The following SGCG variants were observed in gnomAD, a reference collection of about 807,000 sequenced individuals.
The protein encoded by SGCG is gamma-sarcoglycan.
Under a neutral mutation model 29.3 loss-of-function variants are expected in SGCG, and 26 were observed. The observed-to-expected ratio is 0.89, with a 90% CI of 0.65 to 1.23. The LOEUF is 1.23. Ranked by LOEUF, SGCG falls within the 50% of genes most tolerant of loss-of-function variation. SGCG has a pLI of 0.00. For missense variants in SGCG, 353 were observed against 356.0 expected (o/e 0.99, Z 0.07); for synonymous variants, 145 against 129.7 (o/e 1.12, Z -0.80).
At chr13:23,255,473 GATTGT>G (rs2137576848) in intron 4 of SGCG, among the ~76,000 whole-genome samples, 1 of 152,328 alleles carries the variant, frequency 6.6e-6, no homozygotes, top group South Asian at 2.1e-4. Context: ...GGGAAGGGAT[GATTGT>G]ATTTTACAAT....
chr13:23,261,437 T>G (rs1409387362), intron 4 of SGCG, among the ~76,000 whole-genome samples: 1 of 151,976 alleles, frequency 6.6e-6, no homozygotes, highest in Non-Finnish European at 1.5e-5. Flanking sequence ...GTCTTTTGAA[T>G]TAACTGAATC....
intron 3 of SGCG, chr13:23,246,685 G>A (rs866317863): frequency 9.2e-6 from 2 of 218,128 alleles, no homozygotes; most frequent in Middle Eastern, 1.0e-3. Flanking sequence ...AAATGGGCTT[G>A]GATTACTCCA....
chr13:23,248,646 A>AT (rs149031236), intron 3 of SGCG, among the ~76,000 whole-genome samples: 30,909 of 149,776 alleles, frequency 0.21, 3,211 homozygotes, highest in South Asian at 0.32. Context: ...GCGAGCCCAG[A>AT]TGGCGCCACT....
chr13:23,167,126 C>T, the SGCG span, among the ~76,000 whole-genome samples: 12 of 152,162 alleles, frequency 7.9e-5, no homozygotes, highest in East Asian at 1.9e-4. Context: ...TTTTAGATGC[C>T]GCAAATAAGT....
At chr13:23,230,762 T>G (rs1457827236) in intron 2 of SGCG, among the ~76,000 whole-genome samples, 2 of 149,370 alleles carry the variant, frequency 1.3e-5, no homozygotes, top group East Asian at 3.8e-4. Flanking sequence ...TCCTCCTATT[T>G]GGATACCTTT....
chr13:23,216,810 G>A (rs1878446119), intron 2 of SGCG, among the ~76,000 whole-genome samples: 1 of 151,982 alleles, frequency 6.6e-6, no homozygotes. Flanking sequence ...AAAATGATGT[G>A]GACTAATTGA....
chr13:23,191,112 A>T (rs1030854895), intron 1 of SGCG, among the ~76,000 whole-genome samples: 6 of 152,222 alleles, frequency 3.9e-5, no homozygotes, highest in Admixed American at 1.3e-4. Context: ...TTAAATCAAG[A>T]CATAAATCAT....
chr13:23,199,899 G>C (rs532779799), intron 1 of SGCG, among the ~76,000 whole-genome samples: 13 of 152,230 alleles, frequency 8.5e-5, no homozygotes, highest in African/African-American at 2.9e-4. Flanking sequence ...GGGCAGATGT[G>C]GGGGGACTCA....
intron 4 of SGCG, among the ~76,000 whole-genome samples, chr13:23,254,856 G>A (rs952662241): frequency 6.6e-6 from 1 of 152,242 alleles, no homozygotes; most frequent in African/African-American, 2.4e-5. Context: ...GCTGTGGAAG[G>A]CGCAAGCCAT....
rs768764767 is a variant in SGCG, at chr13:23,295,381, TTC to T, written c.506-32_506-31del. Reference sequence around the variant, plus strand: ...TTTTGTTTGGTGTCACTTATTTTACTTCTGCTCCTGATACATCTTTGTTTTTT... The same window carrying T: ...TTTTGTTTGGTGTCACTTATTTTACTTGCTCCTGATACATCTTTGTTTTTT... On this transcript the variant is annotated intron_variant, in intron 5 of 7. Transcript: ENST00000218867. The T allele has an allele frequency of 1.0e-5, 15 of 1,492,268 alleles. No homozygotes were observed. In the Admixed American group the frequency reaches 2.0e-4, roughly 20 times the overall value. The allele number at this position is 1,492,268 out of a possible 1,614,324, so 92.4% of individuals were successfully genotyped here.
intron 6 of SGCG, among the ~76,000 whole-genome samples, chr13:23,306,419 G>T (rs1392591518): frequency 6.6e-6 from 1 of 152,044 alleles, no homozygotes; most frequent in Non-Finnish European, 1.5e-5. Context: ...AGTTGATTTT[G>T]GCCAACTGTA....
chr13:23,195,926 T>G (rs1877486749), intron 1 of SGCG, among the ~76,000 whole-genome samples: 2 of 152,008 alleles, frequency 1.3e-5, no homozygotes, highest in South Asian at 4.1e-4. Flanking sequence ...ATATATCAAT[T>G]CTATAAATTG....
intron 4 of SGCG, 138 bp from the exon 5 acceptor site, chr13:23,279,221 C>T: frequency 1.3e-6 from 1 of 743,762 alleles, no homozygotes; most frequent in Non-Finnish European, 2.2e-6. Context: ...ATCACAGAAT[C>T]AATCAATACC....
intron 3 of SGCG, among the ~76,000 whole-genome samples, chr13:23,250,141 C>A (rs1879904726): frequency 6.6e-6 from 1 of 152,166 alleles, no homozygotes; most frequent in African/African-American, 2.4e-5. Context: ...GTCAATACCA[C>A]AAATGTGTCT....
intron 4 of SGCG, among the ~76,000 whole-genome samples, chr13:23,266,164 CAA>C (rs1461887479): frequency 6.6e-6 from 1 of 151,736 alleles, no homozygotes; most frequent in East Asian, 1.9e-4. Context: ...CCCAGCTACT[CAA>C]GAGGCTGAGG....
At chr13:23,305,043 C>T (rs1230012085) in intron 6 of SGCG, among the ~76,000 whole-genome samples, 1 of 152,132 alleles carries the variant, frequency 6.6e-6, no homozygotes, top group Non-Finnish European at 1.5e-5. Context: ...GAACATTAGT[C>T]TGCCTATTCT....
At chr13:23,293,987 T>C (rs1881814041) in intron 5 of SGCG, among the ~76,000 whole-genome samples, 1 of 152,150 alleles carries the variant, frequency 6.6e-6, no homozygotes, top group African/African-American at 2.4e-5. Context: ...AAATAAACCT[T>C]GTAATTGTTT....
chr13:23,181,542 T>G (rs941585988), intron 1 of SGCG, among the ~76,000 whole-genome samples: 1 of 152,308 alleles, frequency 6.6e-6, no homozygotes, highest in South Asian at 2.1e-4. Flanking sequence ...AGTCCAGTGG[T>G]TTTATAAGTT....
intron 4 of SGCG, among the ~76,000 whole-genome samples, chr13:23,274,520 T>C (rs1337816488): frequency 2.0e-5 from 3 of 149,782 alleles, no homozygotes; most frequent in African/African-American, 7.4e-5. Context: ...CCCCCCAGGT[T>C]GACGCCATTC....
Sources: allele counts gnomAD v4.1 joint callset (sites outside exome capture counted in the v4.1 genomes callset), GRCh38; gene constraint gnomAD v4.1.1; transcripts MANE v1.5; gene names NCBI Gene and HGNC (gene_info 2026-07-23, HGNC 2026-07-21).